The following CAST variants were observed in gnomAD, a reference collection of about 807,000 sequenced individuals.
The protein encoded by CAST is MIR583 host.
Under a neutral mutation model 119.6 loss-of-function variants are expected in CAST, and 76 were observed. That is an observed-to-expected ratio of 0.64 (90% CI 0.53 to 0.77). CAST has a LOEUF of 0.77. Ranked by LOEUF, CAST falls within the 30% of genes least tolerant of loss-of-function variation. CAST has a pLI of 0.00. For synonymous variants in CAST, 319 were observed against 331.6 expected, an observed-to-expected ratio of 0.96 and a Z score of 0.41; for missense variants, 953 against 946.5, an observed-to-expected ratio of 1.01 and a Z score of -0.09.
At chr5:96,358,244 G>C in the CAST span, among the ~76,000 whole-genome samples, 1 of 152,126 alleles carries the variant, frequency 6.6e-6, no homozygotes, top group African/African-American at 2.4e-5. Flanking sequence ...AATCTGGCTG[G>C]TGGTCTATCT....
chr5:96,042,474 G>C, the CAST span, among the ~76,000 whole-genome samples: 1 of 152,076 alleles, frequency 6.6e-6, no homozygotes, highest in Admixed American at 6.6e-5. Context: ...GTTTATCTAA[G>C]AATAAACTTG....
At chr5:96,522,754 C>T (rs977322991), upstream of CAST, among the ~76,000 whole-genome samples, 2 of 152,162 alleles carry the variant, frequency 1.3e-5, no homozygotes, top group Non-Finnish European at 2.9e-5. Flanking sequence ...GCACTGCCTG[C>T]CTGCCTGCAG....
At chr5:96,119,900 G>A in the CAST span, among the ~76,000 whole-genome samples, 3 of 152,190 alleles carry the variant, frequency 2.0e-5, no homozygotes, top group South Asian at 2.1e-4. Flanking sequence ...TAATCTCCAC[G>A]GCAGTCTGGT....
At chr5:96,570,435 T>G (rs3853202) in intron 1 of CAST, among the ~76,000 whole-genome samples, 45,378 of 151,606 alleles carry the variant, frequency 0.3, 7,073 homozygotes, top group East Asian at 0.58. Flanking sequence ...AAAGCTAAAT[T>G]AGTGTACATT....
chr5:96,037,473 A>T, the CAST span, among the ~76,000 whole-genome samples: 3 of 152,272 alleles, frequency 2.0e-5, no homozygotes, highest in South Asian at 6.2e-4. Context: ...TGTCACCTGA[A>T]GGCCTCCAGA....
chr5:96,260,247 C>T, the CAST span, among the ~76,000 whole-genome samples: 66 of 152,104 alleles, frequency 4.3e-4, no homozygotes, highest in Non-Finnish European at 7.6e-4. Flanking sequence ...TCAGAACTAG[C>T]GAAAATCTCT....
At chr5:96,690,790 A>G (rs968044250) in intron 2 of CAST, among the ~76,000 whole-genome samples, 2 of 152,250 alleles carry the variant, frequency 1.3e-5, no homozygotes, top group Non-Finnish European at 2.9e-5. Flanking sequence ...TTGAAAGACA[A>G]TCTTTTTCTT....
Position 96,558,439 on chromosome 5 carries a change from A to G in CAST, c.60+28559A>G, listed in dbSNP as rs1746288580. On this transcript the variant is annotated intron_variant, in intron 1 of 11. Coordinates refer to the CAST transcript ENST00000505143. ...CAGGAGCTGGTTTTTTGAAAAGATC[A>G]ACAAAATTGAGAGACCACTAGCAAG... is the stretch of plus-strand genomic sequence containing the variant. Among the ~76,000 whole-genome samples the G allele has an allele frequency of 5.9e-5, 9 of 152,310 alleles. No homozygotes were observed. In the South Asian group the frequency reaches 1.7e-3, roughly 28 times the overall value.
At chr5:96,332,963 G>A in the CAST span, among the ~76,000 whole-genome samples, 1 of 152,264 alleles carries the variant, frequency 6.6e-6, no homozygotes, top group Admixed American at 6.5e-5. Flanking sequence ...ATCGCTCAGC[G>A]TGCTGATTGC....
At chr5:96,508,223 G>A in the CAST span, among the ~76,000 whole-genome samples, 2 of 151,934 alleles carry the variant, frequency 1.3e-5, no homozygotes, top group Admixed American at 6.6e-5. Flanking sequence ...AAAGGAGAAC[G>A]GACTTTGGAG....
the CAST span, among the ~76,000 whole-genome samples, chr5:96,021,853 TA>T: frequency 9.2e-5 from 14 of 152,314 alleles, no homozygotes; most frequent in African/African-American, 2.4e-4. Flanking sequence ...TAAATTAACT[TA>T]AGTGATCGGA....
chr5:96,548,980 C>T (rs1040899126), intron 1 of CAST, among the ~76,000 whole-genome samples: 1 of 152,160 alleles, frequency 6.6e-6, no homozygotes, highest in African/African-American at 2.4e-5. Context: ...GGGTGACCCA[C>T]ATGCTACTGG....
chr5:96,668,491 C>T (rs1749631406), intron 1 of CAST, among the ~76,000 whole-genome samples: 1 of 152,188 alleles, frequency 6.6e-6, no homozygotes, highest in Non-Finnish European at 1.5e-5. Flanking sequence ...TAATTCACCA[C>T]AGTCAGATTG....
At chr5:96,458,488 C>G in the CAST span, among the ~76,000 whole-genome samples, 3 of 152,024 alleles carry the variant, frequency 2.0e-5, no homozygotes, top group East Asian at 5.8e-4. Context: ...CAGGTTTTTG[C>G]CAAGGAAAGA....
intron 1 of CAST, among the ~76,000 whole-genome samples, chr5:96,545,791 G>T (rs1306217463): frequency 1.3e-5 from 2 of 152,204 alleles, no homozygotes; most frequent in Non-Finnish European, 1.5e-5. Context: ...TACATGGAGT[G>T]TGCCATTTTT....
the CAST span, among the ~76,000 whole-genome samples, chr5:96,108,368 G>T: frequency 6.6e-6 from 1 of 152,114 alleles, no homozygotes; most frequent in African/African-American, 2.4e-5. Flanking sequence ...TCTACTTTTG[G>T]TCTTTAATGA....
At chr5:96,747,087 A>G (rs1323249303) in intron 17 of CAST, among the ~76,000 whole-genome samples, 2 of 152,100 alleles carry the variant, frequency 1.3e-5, no homozygotes, top group South Asian at 2.1e-4. Context: ...TTTTTTTCCT[A>G]TTACTCTACC....
the CAST span, among the ~76,000 whole-genome samples, chr5:95,991,281 C>T: frequency 2.0e-5 from 3 of 152,118 alleles, no homozygotes; most frequent in Non-Finnish European, 2.9e-5. Context: ...CTTTGTTTCA[C>T]GATCACAGGC....
chr5:96,595,490 C>T (rs745561817), intron 1 of CAST, among the ~76,000 whole-genome samples: 15 of 152,194 alleles, frequency 9.9e-5, no homozygotes, highest in Non-Finnish European at 1.9e-4. Flanking sequence ...GGACCCCAGT[C>T]ATGGAGGGAA....
Sources: allele counts gnomAD v4.1 joint callset (sites outside exome capture counted in the v4.1 genomes callset), GRCh38; gene constraint gnomAD v4.1.1; transcripts MANE v1.5; gene names NCBI Gene and HGNC (gene_info 2026-07-23, HGNC 2026-07-21).